The following MAGI2 variants were observed in gnomAD, a reference collection of about 807,000 sequenced individuals.
MAGI2 encodes the protein membrane-associated guanylate kinase, WW and PDZ domain-containing protein 2.
MAGI2 carries 35 observed loss-of-function variants against 133.3 expected under a neutral mutation model. The ratio of observed to expected loss-of-function variants is 0.26; its 90% CI spans 0.20 to 0.35. The LOEUF is 0.35. Among genes scored for constraint, MAGI2 ranks in the 10% least tolerant of loss-of-function variants. The pLI is 1.00. For synonymous variants in MAGI2, 729 were observed against 710.6 expected, an observed-to-expected ratio of 1.03 and a Z score of -0.41; for missense variants, 1,636 against 1,863.4, an observed-to-expected ratio of 0.88 and a Z score of 2.25.
At chr7:79,260,493 A>C (rs373632505) in intron 1 of MAGI2, among the ~76,000 whole-genome samples, 1 of 152,210 alleles carries the variant, frequency 6.6e-6, no homozygotes, top group Non-Finnish European at 1.5e-5. Flanking sequence ...TCTGCCTATT[A>C]TCAAAGAATT....
chr7:78,649,860 A>C (rs1257961091), intron 2 of MAGI2, among the ~76,000 whole-genome samples: 2 of 151,096 alleles, frequency 1.3e-5, no homozygotes, highest in East Asian at 3.9e-4. Context: ...TGCTAATCGC[A>C]TGAAAGTGCT....
At chr7:78,972,889 AACTG>A (rs1413439273) in intron 2 of MAGI2, among the ~76,000 whole-genome samples, 1 of 151,702 alleles carries the variant, frequency 6.6e-6, no homozygotes, top group African/African-American at 2.4e-5. Flanking sequence ...GGCTAAAATT[AACTG>A]AAGTAAAGAG....
At chr7:78,255,854 C>T (rs1434599588) in intron 10 of MAGI2, 89 bp downstream of exon 10, 7 of 1,319,226 alleles carry the variant, frequency 5.3e-6, no homozygotes, top group Non-Finnish European at 7.4e-6. Flanking sequence ...TTTCATTCAA[C>T]TCCAAGGAAA....
At chr7:78,389,883 G>A (rs956040870) in intron 6 of MAGI2, among the ~76,000 whole-genome samples, 2 of 152,146 alleles carry the variant, frequency 1.3e-5, no homozygotes, top group East Asian at 3.9e-4. Context: ...AACCATTAAA[G>A]GTTTAGTTAC....
chr7:79,174,977 G>C (rs1825964347), intron 1 of MAGI2, among the ~76,000 whole-genome samples: 1 of 151,776 alleles, frequency 6.6e-6, no homozygotes, highest in African/African-American at 2.4e-5. Context: ...TAGTGCTCTT[G>C]GGCCAAGTAA....
intron 21 of MAGI2, among the ~76,000 whole-genome samples, chr7:78,035,366 G>A (rs916307360): frequency 2.9e-5 from 4 of 136,220 alleles, no homozygotes. Context: ...AGGAGTGAGT[G>A]AACGAGGGGT....
At chr7:78,947,433 G>A (rs148105461) in intron 2 of MAGI2, among the ~76,000 whole-genome samples, 147 of 152,208 alleles carry the variant, frequency 9.7e-4, no homozygotes, top group Admixed American at 1.6e-3. Flanking sequence ...AAGAAGAACT[G>A]TGCTCATATT....
chr7:78,817,169 A>C (rs1789656169), intron 2 of MAGI2, among the ~76,000 whole-genome samples: 1 of 152,218 alleles, frequency 6.6e-6, no homozygotes. Flanking sequence ...TACAATTAGA[A>C]GCAGAGCCTG....
At chr7:78,165,998 G>C (rs1007410946) in intron 15 of MAGI2, among the ~76,000 whole-genome samples, 1 of 152,074 alleles carries the variant, frequency 6.6e-6, no homozygotes, top group Non-Finnish European at 1.5e-5. Flanking sequence ...GAATAAACTT[G>C]GAAACTCTCC....
At chr7:78,836,289 T>C (rs1257544041) in intron 2 of MAGI2, among the ~76,000 whole-genome samples, 1 of 152,200 alleles carries the variant, frequency 6.6e-6, no homozygotes, top group Non-Finnish European at 1.5e-5. Flanking sequence ...TTCAAAAAGT[T>C]GGACTTGAAC....
chr7:79,401,750 A>G (rs1167739904), intron 1 of MAGI2, among the ~76,000 whole-genome samples: 1 of 152,174 alleles, frequency 6.6e-6, no homozygotes, highest in Admixed American at 6.6e-5. Context: ...ACACCTATAT[A>G]GAAACAATAA....
chr7:78,897,672 C>A (rs1008668101), intron 2 of MAGI2, among the ~76,000 whole-genome samples: 2 of 152,108 alleles, frequency 1.3e-5, no homozygotes, highest in African/African-American at 4.8e-5. Context: ...GTGAAGAATG[C>A]CACTGGTAGT....
intron 3 of MAGI2, chr7:78,614,450 A>G (rs1487932495): frequency 1.3e-5 from 2 of 152,194 alleles, no homozygotes; most frequent in Admixed American, 6.6e-5. Flanking sequence ...TAAATCCAGC[A>G]CATTCATTAG....
intron 21 of MAGI2, among the ~76,000 whole-genome samples, chr7:78,066,256 G>A (rs1407055212): frequency 6.6e-6 from 1 of 152,106 alleles, no homozygotes; most frequent in Non-Finnish European, 1.5e-5. Flanking sequence ...GAGGTCAGGA[G>A]TTCAAGACCA....
At chr7:79,117,813 A>T (rs1466354938) in intron 1 of MAGI2, among the ~76,000 whole-genome samples, 1 of 152,214 alleles carries the variant, frequency 6.6e-6, no homozygotes, top group African/African-American at 2.4e-5. Context: ...CAATACTATA[A>T]TGTACAGAGA....
At chr7:79,405,275 G>A (rs974379466) in intron 1 of MAGI2, among the ~76,000 whole-genome samples, 5 of 152,064 alleles carry the variant, frequency 3.3e-5, no homozygotes, top group African/African-American at 1.2e-4. Flanking sequence ...CAAATGTTAG[G>A]GGTTAGCGTG....
At chr7:78,498,309 G>T (rs1003623451) in intron 5 of MAGI2, among the ~76,000 whole-genome samples, 1 of 152,156 alleles carries the variant, frequency 6.6e-6, no homozygotes, top group East Asian at 1.9e-4. Flanking sequence ...TTGTCCTTAA[G>T]ACATGTCTTA....
chr7:78,813,785 CAAA>C (rs36107160), intron 2 of MAGI2, among the ~76,000 whole-genome samples: 1 of 96,778 alleles, frequency 1.0e-5, no homozygotes, highest in Non-Finnish European at 2.0e-5. Context: ...GATTCTGTCT[CAAA>C]AAAAAAAAAA....
intron 1 of MAGI2, among the ~76,000 whole-genome samples, chr7:79,197,424 T>C (rs1338529414): frequency 6.6e-6 from 1 of 152,074 alleles, no homozygotes; most frequent in African/African-American, 2.4e-5. Context: ...CCACCTAGTA[T>C]AGAACCTCAC....
Sources: allele counts gnomAD v4.1 joint callset (sites outside exome capture counted in the v4.1 genomes callset), GRCh38; gene constraint gnomAD v4.1.1; transcripts MANE v1.5; gene names NCBI Gene and HGNC (gene_info 2026-07-23, HGNC 2026-07-21).